The following KRT77 variants were observed in gnomAD, a reference collection of about 807,000 sequenced individuals.
KRT77 encodes the protein keratin, type II cytoskeletal 1b.
In KRT77, 44 loss-of-function variants were observed where a neutral mutation model predicts 51.5. The observed-to-expected ratio is 0.85, with a 90% CI of 0.67 to 1.10. The LOEUF (loss-of-function observed/expected upper bound fraction) is 1.10, where lower values mean the gene tolerates loss of function less well. KRT77 is among the 50% of genes least tolerant of loss of function. The pLI is 0.00. For missense variants in KRT77, 763 were observed against 743.9 expected (o/e 1.03, Z -0.30); for synonymous variants, 293 against 302.0 (o/e 0.97, Z 0.31).
At chr12:52,698,994 C>G (rs1941843577) in intron 1 of KRT77, among the ~76,000 whole-genome samples, 1 of 152,212 alleles carries the variant, frequency 6.6e-6, no homozygotes, top group African/African-American at 2.4e-5. Flanking sequence ...CTCTGAGGGG[C>G]CAACCCTGGT....
In KRT77 at chr12:52,703,079, G is replaced by C. The variant is rs1941908398; in HGVS notation, c.356C>G (p.Thr119Ser). ...GGGFGGAGFG[T>S]SNFGLGGFGP... is the part of the protein sequence containing the mutation. ...AAAGCCCCCAAGCCCAAAATTGCTA[G>C]TCCCAAATCCAGCACCCCCAAAACC... is the stretch of plus-strand genomic sequence containing the variant. The change falls in exon 1 of 9, where the codon ACT (threonine) becomes AGT (serine). Residue 119 changes from threonine to serine, a missense_variant. Physicochemically the swap from Thr to Ser is moderately conservative, Grantham distance 58 (BLOSUM62 1). Transcript: ENST00000341809. The C allele has an allele frequency of 6.2e-7, 1 of 1,613,652 alleles. No individual in the cohort carries two copies. Among genetic ancestry groups the C allele is most frequent in the Admixed American group, 1.7e-5 (1 of 59,952 alleles).
At chr12:52,692,086 A>G (rs1023644721) in intron 7 of KRT77, 114 bp from the exon 8 acceptor site, 2 of 1,157,906 alleles carry the variant, frequency 1.7e-6, no homozygotes, top group African/African-American at 3.0e-5. Flanking sequence ...ATGTGTGTGC[A>G]TGAGCAGAGG....
Position 52,691,302 on chromosome 12 carries a change from T to G in KRT77, c.1600A>C (p.Ser534Arg). ...SYRGGGARGR[S>R]GGGYGSGCGG... ...CAGCCGCTGCCATAACCGCCTCCAC[T>G]CCTGCCTCGTGCCCCGCCTCCGCGG... Residue 534 changes from serine to arginine, a missense_variant, in exon 9 of 9, where the codon AGT becomes CGT. By Grantham distance (110) the Ser-to-Arg change is moderately radical. Transcript: ENST00000341809. 6.2e-7 allele frequency: 1 copy of G among 1,600,230 alleles called. No homozygotes were observed.
chr12:52,691,510 A>C (rs1941709771), intron 8 of KRT77, 71 bp from the exon 9 acceptor site: 6 of 1,472,666 alleles, frequency 4.1e-6, no homozygotes, highest in Non-Finnish European at 5.4e-6. Flanking sequence ...CCGCCCCTGC[A>C]CCTGCAGCCT....
intron 8 of KRT77, 34 bp from the exon 9 acceptor site, chr12:52,691,473 G>C: frequency 1.3e-6 from 2 of 1,526,834 alleles, no homozygotes. Flanking sequence ...CGGGGTCAGA[G>C]GGACCGGGCA....
intron 8 of KRT77, among the ~76,000 whole-genome samples, chr12:52,691,687 G>T (rs1941711721): frequency 6.6e-6 from 1 of 152,198 alleles, no homozygotes; most frequent in Non-Finnish European, 1.5e-5. Context: ...AGTTCTAGCC[G>T]CTGCTGATTC....
chr12:52,693,896 G>A (rs1941752695), intron 5 of KRT77, among the ~76,000 whole-genome samples: 1 of 136,448 alleles, frequency 7.3e-6, no homozygotes, highest in African/African-American at 2.5e-5. Context: ...AATTAGCTTG[G>A]TGTAGTGGCG....
intron 1 of KRT77, among the ~76,000 whole-genome samples, chr12:52,698,644 T>C (rs536566061): frequency 6.6e-6 from 1 of 152,286 alleles, no homozygotes; most frequent in African/African-American, 2.4e-5. Context: ...GGAGGTAAGA[T>C]GCGGGGCCCA....
Position 52,691,139 on chromosome 12 carries a change from C to T in KRT77, c.*26G>A. ...TGAGGAGAGGGCGGTGAGGGGCAGGCGTGATGTGTGGCAGAAACGAGGCCT... is the reference window on the plus strand; with the variant it reads ...TGAGGAGAGGGCGGTGAGGGGCAGGTGTGATGTGTGGCAGAAACGAGGCCT... On this transcript the variant is annotated 3_prime_UTR_variant, in exon 9 of 9. Transcript: ENST00000341809. The T allele has an allele frequency of 2.5e-6, 4 of 1,613,772 alleles. No individual in the cohort carries two copies. Among genetic ancestry groups the T allele is most frequent in the East Asian group, 2.2e-5 (1 of 44,878 alleles).
chr12:52,696,592 T>A, intron 2 of KRT77, 162 bp from the exon 3 acceptor site: 1 of 649,964 alleles, frequency 1.5e-6, no homozygotes. Flanking sequence ...AGGCTGGCAC[T>A]CTCATGGATG....
intron 1 of KRT77, among the ~76,000 whole-genome samples, chr12:52,699,920 C>T (rs1941861082): frequency 6.6e-6 from 1 of 152,234 alleles, no homozygotes; most frequent in African/African-American, 2.4e-5. Context: ...CAAAAAGTGT[C>T]ATGCACTCAT....
At chr12:52,698,933 C>T (rs1047416507) in intron 1 of KRT77, among the ~76,000 whole-genome samples, 2 of 152,222 alleles carry the variant, frequency 1.3e-5, no homozygotes, top group Non-Finnish European at 2.9e-5. Context: ...TCCCCTACCA[C>T]GTGACACTAG....
intron 1 of KRT77, among the ~76,000 whole-genome samples, chr12:52,700,189 T>C (rs764307705): frequency 1.1e-4 from 17 of 152,242 alleles, no homozygotes; most frequent in Non-Finnish European, 2.1e-4. Flanking sequence ...TTTCTATTTA[T>C]TGAGCAATTC....
chr12:52,693,524 C>G (rs779064833), intron 5 of KRT77: 1 of 151,002 alleles, frequency 6.6e-6, no homozygotes, highest in East Asian at 1.9e-4. Flanking sequence ...TGTGCAGGAC[C>G]GTGGGACAGA....
In KRT77 at chr12:52,696,424, C is replaced by T; in HGVS notation, c.765G>A (p.Glu255=). 1.2e-6 allele frequency: 2 copies of T among 1,614,174 alleles called. No homozygotes were observed. Among genetic ancestry groups the T allele is most frequent in the Non-Finnish European group, 8.5e-7 (1 of 1,179,994 alleles). The part of the protein sequence containing the change: ...DVVEDYKSKY[E]DEINKRTGSE... Reference sequence around the variant, plus strand: ...TGCCAGTCCTCTTGTTGATTTCATCCTCATACCTGTCAGGCGAGGCAAAGG... The same window carrying T: ...TGCCAGTCCTCTTGTTGATTTCATCTTCATACCTGTCAGGCGAGGCAAAGG... The change falls in exon 3 of 9, where the codon GAG becomes GAA. Residue 255 remains glutamate, a synonymous_variant. Coordinates refer to ENST00000341809, the MANE Select transcript of KRT77 (RefSeq NM_175078.3).
chr12:52,690,163 T>C lies in KRT77; in HGVS notation c.*1002A>G, dbSNP rs1043092966. 1 of 152,286 alleles carries C rather than the reference T, an allele frequency of 6.6e-6. No individual in the cohort carries two copies. Among genetic ancestry groups the C allele is most frequent in the African/African-American group, 2.4e-5 (1 of 41,450 alleles). The allele number at this position is 152,286 out of a possible 1,614,324, so 9.4% of individuals were successfully genotyped here. ...GGGGCAATTCTCAGAGTGGTTATGATGCAGAGCTTAGGAAGGGTCAGGCTT... is the reference window on the plus strand; with the variant it reads ...GGGGCAATTCTCAGAGTGGTTATGACGCAGAGCTTAGGAAGGGTCAGGCTT... On this transcript the variant is annotated 3_prime_UTR_variant, in exon 9 of 9. Coordinates refer to ENST00000341809, the MANE Select transcript of KRT77 (RefSeq NM_175078.3).
intron 8 of KRT77, 109 bp from the exon 9 acceptor site, chr12:52,691,548 G>A (rs1941710324): frequency 7.8e-7 from 1 of 1,278,716 alleles, no homozygotes; most frequent in African/African-American, 1.5e-5. Flanking sequence ...CCGTGGCATC[G>A]ACTTGCAAAC....
chr12:52,694,932 T>C (rs1194361222), intron 4 of KRT77, 142 bp from the exon 5 acceptor site: 2 of 668,500 alleles, frequency 3.0e-6, no homozygotes, highest in African/African-American at 3.6e-5. Flanking sequence ...AATTGTTGTG[T>C]GCAATGAGAG....
intron 4 of KRT77, chr12:52,695,163 G>A (rs1941776294): frequency 5.9e-6 from 1 of 169,654 alleles, no homozygotes; most frequent in African/African-American, 2.4e-5. Context: ...GGAGTCACTT[G>A]GACTCACTTT....
Sources: gnomAD v4.1 joint callset for allele counts (sites outside exome capture counted in the v4.1 genomes callset) on GRCh38, gnomAD v4.1.1 for gene constraint, MANE v1.5 for transcripts, NCBI Gene and HGNC (gene_info 2026-07-23, HGNC 2026-07-21) for gene names.